The following AFF3 variants were observed in gnomAD, a reference collection of about 807,000 sequenced individuals.
AFF3 encodes AF4/FMR2 family member 3.
A neutral mutation model predicts 129.7 loss-of-function variants in AFF3; 32 were observed. That is an observed-to-expected ratio of 0.25 (90% CI 0.19 to 0.33). AFF3 has a LOEUF of 0.33. AFF3 is among the 10% of genes least tolerant of loss of function. The pLI, the probability that AFF3 is intolerant of heterozygous loss-of-function variation, is 1.00. For missense variants in AFF3, 1,373 were observed against 1,592.0 expected (o/e 0.86, Z 2.34); for synonymous variants, 644 against 635.4 (o/e 1.01, Z -0.20).
At chr2:99,667,763 T>G (rs1177315198) in intron 12 of AFF3, among the ~76,000 whole-genome samples, 1 of 152,166 alleles carries the variant, frequency 6.6e-6, no homozygotes, top group Non-Finnish European at 1.5e-5. Flanking sequence ...ACGGATAGAC[T>G]TATTACTGAA....
chr2:99,984,703 C>G (rs999823410), intron 7 of AFF3, among the ~76,000 whole-genome samples: 7 of 152,072 alleles, frequency 4.6e-5, no homozygotes, highest in African/African-American at 1.7e-4. Context: ...CCCCCCAACC[C>G]CATCACAAGG....
Position 99,642,510 on chromosome 2 carries a change from T to A in AFF3, c.1184+7116A>T, listed in dbSNP as rs190405816. On this transcript the variant is annotated intron_variant, in intron 13 of 24. Coordinates refer to ENST00000672756, the MANE Select transcript of AFF3 (RefSeq NM_001386135.1). The stretch of plus-strand genomic sequence containing the variant: ...ACAGTTGCAAAGAATTATTTCCTCT[T>A]TTAAGCCCAAAGTTGCCATTATTTT... Among the ~76,000 whole-genome samples the A allele has an allele frequency of 3.9e-5, 6 of 152,306 alleles. No individual in the cohort carries two copies. The East Asian group carries it at 1.2e-3, about 29-fold the overall frequency.
At chr2:99,989,905 C>T (rs768094371) in intron 7 of AFF3, among the ~76,000 whole-genome samples, 1 of 152,094 alleles carries the variant, frequency 6.6e-6, no homozygotes, top group Non-Finnish European at 1.5e-5. Flanking sequence ...CCCACGTTAT[C>T]TTTTTATTTT....
At chr2:99,686,166 G>T (rs867074459) in intron 11 of AFF3, among the ~76,000 whole-genome samples, 15 of 151,976 alleles carry the variant, frequency 9.9e-5, no homozygotes, top group Admixed American at 2.6e-4. Flanking sequence ...CTCCAGCCTG[G>T]GCGACACAGC....
chr2:99,878,093 A>T (rs1302377512), intron 7 of AFF3, among the ~76,000 whole-genome samples: 1 of 152,164 alleles, frequency 6.6e-6, no homozygotes, highest in Non-Finnish European at 1.5e-5. Flanking sequence ...CCTATGTTGA[A>T]AAAAAATAGA....
At chr2:100,052,023 T>C (rs1686376226) in intron 4 of AFF3, among the ~76,000 whole-genome samples, 3 of 152,198 alleles carry the variant, frequency 2.0e-5, no homozygotes, top group African/African-American at 7.2e-5. Flanking sequence ...CCTCGGGATG[T>C]TCATCACAGG....
chr2:99,786,366 A>G (rs1684792553), intron 8 of AFF3, among the ~76,000 whole-genome samples: 1 of 152,220 alleles, frequency 6.6e-6, no homozygotes, highest in Non-Finnish European at 1.5e-5. Context: ...AGCTCAGTGT[A>G]CATCCGTTAA....
chr2:99,597,696 C>T (rs1376593477), intron 14 of AFF3, among the ~76,000 whole-genome samples: 2 of 152,252 alleles, frequency 1.3e-5, no homozygotes, highest in Non-Finnish European at 2.9e-5. Flanking sequence ...AGTTTAGTGG[C>T]AGTGAGGAGG....
At chr2:99,952,302 T>A (rs1401394745) in intron 7 of AFF3, among the ~76,000 whole-genome samples, 1 of 152,166 alleles carries the variant, frequency 6.6e-6, no homozygotes, top group Admixed American at 6.6e-5. Flanking sequence ...GCTTCCCCTT[T>A]GCCTTCCACC....
chr2:100,060,369 G>A (rs985316488), intron 4 of AFF3, among the ~76,000 whole-genome samples: 1 of 152,116 alleles, frequency 6.6e-6, no homozygotes, highest in Non-Finnish European at 1.5e-5. Flanking sequence ...CACAAAGCTA[G>A]AAGGAACAAA....
At chr2:99,998,413 G>A (rs1258359067) in intron 7 of AFF3, among the ~76,000 whole-genome samples, 1 of 152,088 alleles carries the variant, frequency 6.6e-6, no homozygotes, top group Admixed American at 6.6e-5. Flanking sequence ...CAGCAGGGAT[G>A]CCACAGAGAG....
intron 13 of AFF3, among the ~76,000 whole-genome samples, chr2:99,616,157 C>T (rs935127732): frequency 2.6e-5 from 4 of 152,104 alleles, no homozygotes; most frequent in African/African-American, 2.4e-5. Context: ...GCAATGGGAG[C>T]GTTTTAAGGC....
At chr2:100,005,447 C>T (rs1252903757) in intron 7 of AFF3, among the ~76,000 whole-genome samples, 1 of 152,152 alleles carries the variant, frequency 6.6e-6, no homozygotes, top group Non-Finnish European at 1.5e-5. Flanking sequence ...AATTTATTTG[C>T]TGCTACCAGT....
chr2:100,055,662 C>T (rs904571031), intron 4 of AFF3, among the ~76,000 whole-genome samples: 1 of 152,018 alleles, frequency 6.6e-6, no homozygotes, highest in Non-Finnish European at 1.5e-5. Flanking sequence ...TGTTAAAGAG[C>T]CAGAAAGCAA....
intron 15 of AFF3, 82 bp from the exon 16 acceptor site, chr2:99,587,360 A>C: frequency 6.5e-7 from 1 of 1,545,674 alleles, no homozygotes; most frequent in Non-Finnish European, 8.8e-7. Flanking sequence ...TCCACAGAGC[A>C]AGGCCTCCTG....
chr2:99,948,544 T>TG lies in AFF3; in HGVS notation c.873+58087dup, dbSNP rs144600474. 7.2e-4 allele frequency among the ~76,000 whole-genome samples: 110 copies of TG among 152,336 alleles called. 4 individuals carry two copies. The East Asian group carries it at 0.013, about 17-fold the overall frequency. On this transcript the variant is annotated intron_variant, in intron 7 of 24. Transcript: ENST00000672756. ...AACTCAAAGGAGGAAGGATGATGAATGAGAAAAGAGGGCAGCAAGCGCCTC... is the reference window on the plus strand; with the variant it reads ...AACTCAAAGGAGGAAGGATGATGAATGGAGAAAAGAGGGCAGCAAGCGCCTC...
chr2:100,048,055 C>T (rs1344138300), intron 4 of AFF3, among the ~76,000 whole-genome samples: 2 of 152,192 alleles, frequency 1.3e-5, no homozygotes, highest in African/African-American at 4.8e-5. Flanking sequence ...CTGCAGATTA[C>T]CCACAATAAT....
intron 7 of AFF3, among the ~76,000 whole-genome samples, chr2:99,877,384 T>C (rs546329200): frequency 6.6e-6 from 1 of 152,294 alleles, no homozygotes; most frequent in Admixed American, 6.5e-5. Context: ...GTCTACCACC[T>C]GCTGTGATGG....
chr2:100,050,417 T>C (rs1282807459), intron 4 of AFF3, among the ~76,000 whole-genome samples: 2 of 152,064 alleles, frequency 1.3e-5, no homozygotes, highest in East Asian at 3.9e-4. Flanking sequence ...CATAGCTCAC[T>C]GCCGTCTTGC....
Sources: allele counts gnomAD v4.1 joint callset (sites outside exome capture counted in the v4.1 genomes callset), GRCh38; gene constraint gnomAD v4.1.1; transcripts MANE v1.5; gene names NCBI Gene and HGNC (gene_info 2026-07-23, HGNC 2026-07-21).